Variants in CPVL observed in about 807,000 individuals in gnomAD.
The protein encoded by CPVL is probable serine carboxypeptidase CPVL.
A neutral mutation model predicts 63.7 loss-of-function variants in CPVL; 51 were observed. The observed-to-expected ratio is 0.80, with a 90% CI of 0.64 to 1.01. The LOEUF (loss-of-function observed/expected upper bound fraction) is 1.01. Ranked by LOEUF, CPVL falls within the 50% of genes least tolerant of loss-of-function variation. The probability of loss-of-function intolerance (pLI) is 0.00; values close to 1 mark genes in which losing one functional copy is unlikely to be tolerated. For synonymous variants in CPVL, 195 were observed against 206.0 expected (o/e 0.95, Z 0.46); for missense variants, 530 against 573.1 (o/e 0.92, Z 0.77).
intron 12 of CPVL, among the ~76,000 whole-genome samples, chr7:29,018,305 G>T (rs1410350164): frequency 2.0e-5 from 3 of 149,110 alleles, no homozygotes; most frequent in African/African-American, 7.4e-5. Flanking sequence ...TCAGCTTAAT[G>T]ACATTTATTC....
chr7:29,070,173 T>C (rs1783599546), intron 9 of CPVL, among the ~76,000 whole-genome samples: 1 of 152,174 alleles, frequency 6.6e-6, no homozygotes, highest in Admixed American at 6.5e-5. Context: ...TTTACCTGCT[T>C]GGGGTTCCGG....
exon 4 of CPVL, chr7:29,184,541 G>A (rs528263313): frequency 1.2e-4 from 19 of 152,180 alleles, no homozygotes; most frequent in Admixed American, 8.5e-4. Context: ...CAATGTTTCC[G>A]TTTGGATCTG....
intron 5 of CPVL, among the ~76,000 whole-genome samples, chr7:29,160,238 G>C (rs901581541): frequency 2.0e-5 from 3 of 152,126 alleles, no homozygotes; most frequent in Non-Finnish European, 2.9e-5. Context: ...GTGTGAAGTT[G>C]GTGCCAGATG....
chr7:29,133,309 C>T (rs1030498645), intron 1 of CPVL, among the ~76,000 whole-genome samples: 1 of 152,116 alleles, frequency 6.6e-6, no homozygotes, highest in Non-Finnish European at 1.5e-5. Context: ...AAAGAAAAAT[C>T]TGTCTTTATC....
chr7:29,007,169 CGCATTGTT>C (rs1785277990), intron 12 of CPVL, among the ~76,000 whole-genome samples: 1 of 152,170 alleles, frequency 6.6e-6, no homozygotes, highest in Non-Finnish European at 1.5e-5. Context: ...GAGAAAGTTA[CGCATTGTT>C]GCCTAGCTGT....
intron 1 of CPVL, among the ~76,000 whole-genome samples, chr7:29,189,343 C>A (rs1054748478): frequency 1.3e-5 from 2 of 151,994 alleles, no homozygotes; most frequent in Non-Finnish European, 2.9e-5. Flanking sequence ...TTAATGAATG[C>A]TTGAATAAAT....
intron 11 of CPVL, among the ~76,000 whole-genome samples, chr7:29,038,944 T>C (rs577937603): frequency 6.6e-6 from 1 of 152,324 alleles, no homozygotes; most frequent in Admixed American, 6.5e-5. Flanking sequence ...TCTCTGCCTA[T>C]TCAACAGACA....
In CPVL at chr7:29,121,030, G is replaced by GA; in HGVS notation, c.31dup (p.Ser11PhefsTer11). 1 of 1,608,140 alleles carries GA rather than the reference G, an allele frequency of 6.2e-7. No homozygotes were observed. On this transcript the variant is annotated frameshift_variant, in exon 2 of 13. Coordinates refer to ENST00000265394, the MANE Select transcript of CPVL (RefSeq NM_031311.5). Reference sequence around the variant, plus strand: ...GGGGCCAGGCATCAACAGGACCAGCGAAACAATCACCTTCCACATGGCACC... The same window carrying GA: ...GGGGCCAGGCATCAACAGGACCAGCGAAAACAATCACCTTCCACATGGCACC...
intron 12 of CPVL, among the ~76,000 whole-genome samples, chr7:29,016,189 A>G (rs945360764): frequency 5.9e-5 from 9 of 152,034 alleles, no homozygotes; most frequent in African/African-American, 1.7e-4. Flanking sequence ...TGTCTCTACT[A>G]AAAACACAAA....
intron 6 of CPVL, among the ~76,000 whole-genome samples, chr7:29,092,249 C>G (rs1290989262): frequency 6.8e-6 from 1 of 148,090 alleles, no homozygotes; most frequent in Non-Finnish European, 1.5e-5. Flanking sequence ...GACTAACAAG[C>G]TAAGTTTTCA....
intron 12 of CPVL, among the ~76,000 whole-genome samples, chr7:29,025,203 C>A (rs1787375124): frequency 6.6e-6 from 1 of 152,026 alleles, no homozygotes; most frequent in Non-Finnish European, 1.5e-5. Context: ...TAAAAACATA[C>A]CTGAGGCTGG....
At chr7:29,110,209 C>T (rs1405423235) in intron 3 of CPVL, among the ~76,000 whole-genome samples, 1 of 152,148 alleles carries the variant, frequency 6.6e-6, no homozygotes, top group African/African-American at 2.4e-5. Flanking sequence ...TGGAGTTCTC[C>T]AGCTAGAGTG....
chr7:29,088,919 G>C (rs967948329), intron 6 of CPVL, among the ~76,000 whole-genome samples: 1 of 152,194 alleles, frequency 6.6e-6, no homozygotes, highest in African/African-American at 2.4e-5. Flanking sequence ...AGGTGGCAGT[G>C]AGCCGAGATC....
At chr7:29,056,157 ATT>A (rs1194433107) in intron 11 of CPVL, among the ~76,000 whole-genome samples, 1 of 152,118 alleles carries the variant, frequency 6.6e-6, no homozygotes, top group African/African-American at 2.4e-5. Context: ...ACAGCGATGT[ATT>A]TGTTACACTA....
intron 1 of CPVL, among the ~76,000 whole-genome samples, chr7:29,142,807 T>C (rs1266047525): frequency 1.3e-5 from 2 of 152,166 alleles, no homozygotes; most frequent in African/African-American, 2.4e-5. Flanking sequence ...ATTACAAGCA[T>C]GAGCCACCAT....
chr7:29,029,133 T>C (rs1174256007), intron 12 of CPVL, among the ~76,000 whole-genome samples: 4 of 152,236 alleles, frequency 2.6e-5, no homozygotes, highest in Admixed American at 1.3e-4. Flanking sequence ...ATAATGGCTA[T>C]TACCAAAAAG....
rs116224111 is a variant in CPVL, at chr7:29,062,687, T to G, written c.1137+1374A>C. Among the ~76,000 whole-genome samples, 868 of 152,256 alleles carry G rather than the reference T, an allele frequency of 5.7e-3. 9 individuals are homozygous for G. Among genetic ancestry groups the G allele is most frequent in the African/African-American group, 0.019 (809 of 41,546 alleles). ...TTGCAGATTGTGCACTGAACAATCC[T>G]AAGACACACCATTCCTAATATACAC... On this transcript the variant is annotated intron_variant, in intron 11 of 12. Transcript: ENST00000265394.
Position 29,165,558 on chromosome 7 carries a change from C to T in CPVL, c.-11+15732G>A, listed in dbSNP as rs114991557. On this transcript the variant is annotated intron_variant, in intron 5 of 16. Coordinates refer to the CPVL transcript ENST00000409850. Reference sequence around the variant, plus strand: ...ATGCCTTTGTTATTTCTTTTTCTTTCATTAATACATTTGCCATAATCTTTG... The same window carrying T: ...ATGCCTTTGTTATTTCTTTTTCTTTTATTAATACATTTGCCATAATCTTTG... 5.7e-3 allele frequency among the ~76,000 whole-genome samples: 860 copies of T among 152,092 alleles called. 8 individuals carry two copies. The highest frequency in any genetic ancestry group is 0.02 in the African/African-American group (825 of 41,510).
At chr7:29,056,190 C>T (rs1253432030) in intron 11 of CPVL, among the ~76,000 whole-genome samples, 2 of 152,204 alleles carry the variant, frequency 1.3e-5, no homozygotes, top group African/African-American at 2.4e-5. Context: ...ACTGAAACAT[C>T]ATCAAATCAC....
Sources: gnomAD v4.1 joint callset for allele counts (sites outside exome capture counted in the v4.1 genomes callset) on GRCh38, gnomAD v4.1.1 for gene constraint, MANE v1.5 for transcripts, NCBI Gene and HGNC (gene_info 2026-07-23, HGNC 2026-07-21) for gene names.